Variants in AGAP1 observed in about 807,000 individuals in gnomAD.
AGAP1 encodes the protein arf-GAP with GTPase, ANK repeat and PH domain-containing protein 1.
A neutral mutation model predicts 105.3 loss-of-function variants in AGAP1; 29 were observed. That is an observed-to-expected ratio of 0.28 (90% CI 0.21 to 0.38). The LOEUF is 0.38. AGAP1 is among the 10% of genes least tolerant of loss of function. AGAP1 has a pLI of 1.00. For synonymous variants in AGAP1, 509 were observed against 485.9 expected, an observed-to-expected ratio of 1.05 and a Z score of -0.63; for missense variants, 998 against 1,165.1, an observed-to-expected ratio of 0.86 and a Z score of 2.09.
chr2:235,555,463 T>C lies in AGAP1; in HGVS notation c.163+60614T>C, dbSNP rs995757075. Among the ~76,000 whole-genome samples the C allele has an allele frequency of 6.6e-6, 1 of 152,086 alleles. No homozygotes were observed. The highest frequency in any genetic ancestry group is 2.4e-5 in the African/African-American group (1 of 41,436). On this transcript the variant is annotated intron_variant, in intron 1 of 17. Transcript: ENST00000304032. This position sits in a 1 kb window ranked among gnomAD's most constrained non-coding sequence, Gnocchi z 5.1. ...GGGAATAGGCATGTGGGGCACACTC[T>C]CCAGGCACATCCAGGGCTGGACTGG... is the stretch of plus-strand genomic sequence containing the variant.
chr2:235,746,377 C>CTTTTTCTTTTTTTTTTTTT (rs1553620164), intron 5 of AGAP1, among the ~76,000 whole-genome samples: 6 of 55,548 alleles, frequency 1.1e-4, no homozygotes, highest in Non-Finnish European at 1.5e-4. Context: ...CCTCCCCCAA[C>CTTTTTCTTTTTTTTTTTTT]TTTTTTTTTT....
chr2:235,681,094 C>T (rs1426608468), intron 1 of AGAP1, among the ~76,000 whole-genome samples: 4 of 152,054 alleles, frequency 2.6e-5, no homozygotes, highest in African/African-American at 7.2e-5. Context: ...CTGCAAGCTC[C>T]GCCTCCCAGG....
At chr2:235,580,534 CTG>C (rs1344381974) in intron 1 of AGAP1, among the ~76,000 whole-genome samples, 17 of 152,094 alleles carry the variant, frequency 1.1e-4, no homozygotes, top group Non-Finnish European at 1.5e-5. Flanking sequence ...TCGAGTGTAT[CTG>C]AGAGTGCTTC....
At chr2:235,585,716 T>A (rs1285148060) in intron 1 of AGAP1, among the ~76,000 whole-genome samples, 3 of 152,236 alleles carry the variant, frequency 2.0e-5, no homozygotes, top group Admixed American at 2.0e-4. Context: ...ATGTACTTTT[T>A]ACCTTTAGAA....
At position 235,692,397 on chromosome 2, in the gene AGAP1, T is replaced by C. The variant is rs1026025106; in HGVS notation, c.164-16782T>C. 2.6e-5 allele frequency among the ~76,000 whole-genome samples: 4 copies of C among 152,140 alleles called. No individual in the cohort carries two copies. Among genetic ancestry groups the C allele is most frequent in the Non-Finnish European group, 4.4e-5 (3 of 68,020 alleles). On this transcript the variant is annotated intron_variant, in intron 1 of 17. Coordinates refer to ENST00000304032, the MANE Select transcript of AGAP1 (RefSeq NM_001037131.3). The surrounding 1 kb of genome is among the most constrained non-coding windows in gnomAD (Gnocchi z 5.8). Reference sequence around the variant, plus strand: ...TGCACTGCCAGGTGCACATCGAGCCTAATCTGGCTTAGGAAACAGGAGGGG... The same window carrying C: ...TGCACTGCCAGGTGCACATCGAGCCCAATCTGGCTTAGGAAACAGGAGGGG...
chr2:235,675,647 T>A (rs1186591420), intron 1 of AGAP1, among the ~76,000 whole-genome samples: 2 of 152,222 alleles, frequency 1.3e-5, no homozygotes, highest in East Asian at 3.8e-4. Flanking sequence ...GATAGCAATT[T>A]AGGAAACTCC....
Position 236,126,440 on chromosome 2 carries a change from T to G in AGAP1, c.*2318T>G, listed in dbSNP as rs2060005670. On this transcript the variant is annotated 3_prime_UTR_variant, in exon 18 of 18. Transcript: ENST00000304032. The stretch of plus-strand genomic sequence containing the variant: ...AGTTAATTCCCACTATAGGAATGCT[T>G]TATCATAGTGAAGTTTCTTTTGAGA... 1 of 152,216 alleles carries G rather than the reference T, an allele frequency of 6.6e-6. No individual in the cohort carries two copies. The highest frequency in any genetic ancestry group is 2.4e-5 in the African/African-American group (1 of 41,448). The allele number at this position is 152,216 out of a possible 1,614,324, so 9.4% of individuals were successfully genotyped here. A position where few individuals can be genotyped will look rare whatever the true frequency, so the allele number is the denominator to read the frequency against.
intron 1 of AGAP1, among the ~76,000 whole-genome samples, chr2:235,628,218 G>A (rs553442583): frequency 1.3e-5 from 2 of 152,292 alleles, no homozygotes; most frequent in East Asian, 3.9e-4. Flanking sequence ...CTGGGCACCT[G>A]TGCATTGCTG....
At chr2:235,869,371 T>C (rs1203755803) in intron 9 of AGAP1, among the ~76,000 whole-genome samples, 37 of 126,886 alleles carry the variant, frequency 2.9e-4, no homozygotes, top group African/African-American at 9.0e-4. Context: ...GATCACAAGG[T>C]CAGGAGATTG....
At chr2:235,768,688 G>A (rs77445020) in intron 6 of AGAP1, among the ~76,000 whole-genome samples, 4,319 of 152,294 alleles carry the variant, frequency 0.028, 206 homozygotes, top group African/African-American at 0.096. Context: ...GGATGTGCAC[G>A]GTGCCGGGGC....
At chr2:235,563,428 A>G (rs77027124) in intron 1 of AGAP1, among the ~76,000 whole-genome samples, 3,539 of 152,152 alleles carry the variant, frequency 0.023, 130 homozygotes, top group African/African-American at 0.08. Context: ...AATCAGCCCC[A>G]CTTTCCTCTG....
intron 1 of AGAP1, among the ~76,000 whole-genome samples, chr2:235,539,254 T>C (rs1559233736): frequency 6.6e-6 from 1 of 152,236 alleles, no homozygotes; most frequent in Admixed American, 6.5e-5. Flanking sequence ...AGCTGGACTT[T>C]TATGATGCAC....
intron 6 of AGAP1, 52 bp from the exon 7 acceptor site, chr2:235,797,707 T>G: frequency 1.2e-6 from 2 of 1,611,678 alleles, no homozygotes; most frequent in Non-Finnish European, 1.7e-6. Flanking sequence ...GCTCTGTTCC[T>G]GAATTTGGAA....
chr2:235,980,038 C>G (rs1019782936), intron 13 of AGAP1, among the ~76,000 whole-genome samples: 1 of 152,100 alleles, frequency 6.6e-6, no homozygotes, highest in East Asian at 1.9e-4. Flanking sequence ...TCATTGCCTG[C>G]GATTCGTACC....
At chr2:235,533,725 T>C (rs1574785484) in intron 1 of AGAP1, among the ~76,000 whole-genome samples, 2 of 152,190 alleles carry the variant, frequency 1.3e-5, no homozygotes, top group Non-Finnish European at 2.9e-5. Context: ...AGTGTTGGGA[T>C]TTTCTCATGT....
rs1235991609 is a variant in AGAP1 at position 235,663,378 on chromosome 2, C to A, written c.164-45801C>A. 1.3e-5 allele frequency among the ~76,000 whole-genome samples: 2 copies of A among 152,092 alleles called. No individual in the cohort carries two copies. On this transcript the variant is annotated intron_variant, in intron 1 of 17. Transcript: ENST00000304032. This position sits in a 1 kb window ranked among gnomAD's most constrained non-coding sequence, Gnocchi z 5.4. ...ATGGGAGCAGCAGCGTGGGGTTGGG[C>A]TTTGAACTGGCATCGTAGGCATTTT...
At chr2:235,840,797 C>G (rs1960742667) in intron 9 of AGAP1, among the ~76,000 whole-genome samples, 1 of 149,574 alleles carries the variant, frequency 6.7e-6, no homozygotes, top group Non-Finnish European at 1.5e-5. Flanking sequence ...ATGAGGGACA[C>G]TTGTGCTGAA....
intron 1 of AGAP1, among the ~76,000 whole-genome samples, chr2:235,573,089 TTTCTTC>T (rs752486902): frequency 8.4e-6 from 1 of 118,908 alleles, no homozygotes; most frequent in Admixed American, 7.8e-5. Flanking sequence ...TTCTTTCTTC[TTTCTTC>T]TTCTTCTTCC....
chr2:235,521,762 G>A (rs1942630124), intron 1 of AGAP1, among the ~76,000 whole-genome samples: 1 of 151,950 alleles, frequency 6.6e-6, no homozygotes, highest in African/African-American at 2.4e-5. Context: ...GTGTGTGTGT[G>A]TGTGTGTGTG....
Sources: gnomAD v4.1 joint callset for allele counts (sites outside exome capture counted in the v4.1 genomes callset) on GRCh38, gnomAD v4.1.1 for gene constraint, Gnocchi (gnomAD v3.1) non-coding constraint, MANE v1.5 for transcripts, NCBI Gene and HGNC (gene_info 2026-07-23, HGNC 2026-07-21) for gene names.